CNOT8: variants seen among roughly 807,000 people sequenced by gnomAD.
The protein encoded by CNOT8 is CAF1-like protein.
CNOT8 carries 18 observed loss-of-function variants against 34.6 expected under a neutral mutation model. The ratio of observed to expected loss-of-function variants is 0.52; its 90% CI spans 0.36 to 0.77. The LOEUF (loss-of-function observed/expected upper bound fraction) is 0.77. Among genes scored for constraint, CNOT8 ranks in the 30% least tolerant of loss-of-function variants. The pLI, the probability that CNOT8 is intolerant of heterozygous loss-of-function variation, is 0.00. For missense variants in CNOT8, 189 were observed against 347.9 expected, an observed-to-expected ratio of 0.54 and a Z score of 3.63; for synonymous variants, 101 against 118.8, an observed-to-expected ratio of 0.85 and a Z score of 0.98.
intron 6 of CNOT8, among the ~76,000 whole-genome samples, chr5:154,874,642 C>G (rs1318364737): frequency 2.0e-5 from 3 of 151,686 alleles, no homozygotes; most frequent in Non-Finnish European, 2.9e-5. Flanking sequence ...TCAAACAATT[C>G]TCTGCCTCAG....
At position 154,863,228 on chromosome 5, in the gene CNOT8, C is replaced by T. The variant is rs748586000; in HGVS notation, c.-51C>T. The stretch of plus-strand genomic sequence containing the variant: ...CTAGATCAGACCAAACATTGTCTGG[C>T]TTGCACTGTAAAACTAGTTAGCTGA... On this transcript the variant is annotated 5_prime_UTR_variant, in exon 2 of 7. Coordinates refer to ENST00000285896, the MANE Select transcript of CNOT8 (RefSeq NM_001301073.2). The T allele has an allele frequency of 8.0e-7, 1 of 1,247,952 alleles. No individual in the cohort carries two copies. The highest frequency in any genetic ancestry group is 1.2e-5 in the South Asian group (1 of 83,588). 77.3% of individuals were successfully genotyped at this position (1,247,952 alleles called of 1,614,324 possible).
chr5:154,860,798 T>G (rs1428528443), intron 1 of CNOT8, among the ~76,000 whole-genome samples: 2 of 152,172 alleles, frequency 1.3e-5, no homozygotes, highest in African/African-American at 4.8e-5. Flanking sequence ...GCTTACATAT[T>G]TTTGCCAACT....
intron 6 of CNOT8, 38 bp from the exon 7 acceptor site, chr5:154,875,252 G>A: frequency 1.2e-6 from 2 of 1,608,556 alleles, no homozygotes; most frequent in Non-Finnish European, 1.7e-6. Context: ...ATGACTTCTA[G>A]CATAACTCTC....
chr5:154,862,048 C>T lies in CNOT8; in HGVS notation c.-72-1159C>T, dbSNP rs370473932. Reference sequence around the variant, plus strand: ...TGTACGTTGTTTGCCATAATAATAACAGCATTCGTCAGAGACCCAATCATG... The same window carrying T: ...TGTACGTTGTTTGCCATAATAATAATAGCATTCGTCAGAGACCCAATCATG... On this transcript the variant is annotated intron_variant, in intron 1 of 6. Transcript: ENST00000285896. Among the ~76,000 whole-genome samples the T allele has an allele frequency of 1.6e-4, 24 of 152,244 alleles. 1 individual carries two copies. The highest frequency in any genetic ancestry group is 5.8e-4 in the African/African-American group (24 of 41,530).
intron 2 of CNOT8, among the ~76,000 whole-genome samples, chr5:154,863,638 T>G (rs1382692549): frequency 6.6e-6 from 1 of 152,186 alleles, no homozygotes; most frequent in African/African-American, 2.4e-5. Flanking sequence ...ATGTTTAATT[T>G]GAGATTTTGA....
intron 2 of CNOT8, among the ~76,000 whole-genome samples, chr5:154,864,413 G>T (rs1039532112): frequency 6.6e-6 from 1 of 151,750 alleles, no homozygotes; most frequent in African/African-American, 2.4e-5. Flanking sequence ...AGCCGAGATC[G>T]TGCCACTGCA....
Position 154,875,463 on chromosome 5 carries a change from G to T in CNOT8, c.*24G>T. On this transcript the variant is annotated 3_prime_UTR_variant, in exon 7 of 7. Transcript: ENST00000285896. ...GATGGCGCCAGGCTCTGCAGGGTGG[G>T]CCTGATCCCAGAGTGGTGCTTACTG... is the stretch of plus-strand genomic sequence containing the variant. The T allele has an allele frequency of 6.2e-7, 1 of 1,610,900 alleles. No individual in the cohort carries two copies.
In CNOT8 at chr5:154,868,163, T is replaced by A. The variant is rs1004889172; in HGVS notation, c.312-2498T>A. Among the ~76,000 whole-genome samples, 23 of 151,928 alleles carry A rather than the reference T, an allele frequency of 1.5e-4. No homozygotes were observed. In the East Asian group the frequency reaches 4.4e-3, roughly 29 times the overall value. On this transcript the variant is annotated intron_variant, in intron 3 of 6. Coordinates refer to ENST00000285896, the MANE Select transcript of CNOT8 (RefSeq NM_001301073.2). ...CATGTTGGCCAGGCTGGTCTCGAAC[T>A]CCTGACCTTGTGATCCGCCCGCCTT...
intron 1 of CNOT8, chr5:154,859,229 T>A (rs1761092514): frequency 6.6e-6 from 1 of 152,164 alleles, no homozygotes; most frequent in Admixed American, 6.5e-5. Context: ...CTGAGTGTGA[T>A]TTGAAGTGGA....
In CNOT8 at chr5:154,865,476, G is replaced by A. The variant is rs1761777777; in HGVS notation, c.311+91G>A. ...GGATAGAGCGGTCAAGCAGAGGACG[G>A]AACAGGGAATCTCAGCAAGTGAAGT... On this transcript the variant is annotated intron_variant, in intron 3 of 6. Transcript: ENST00000285896. The A allele has an allele frequency of 1.1e-5, 9 of 787,736 alleles. No homozygotes were observed. In the East Asian group the frequency reaches 2.4e-4, roughly 21 times the overall value. The allele number at this position is 787,736 out of a possible 1,614,324, so 48.8% of individuals were successfully genotyped here. A position where few individuals can be genotyped will look rare whatever the true frequency, so the allele number is the denominator to read the frequency against.
intron 6 of CNOT8, among the ~76,000 whole-genome samples, chr5:154,874,551 T>G (rs1460113240): frequency 6.6e-6 from 1 of 152,080 alleles, no homozygotes; most frequent in Non-Finnish European, 1.5e-5. Flanking sequence ...TCTTTTTCTT[T>G]CGAGACGGAG....
At chr5:154,859,387 A>G (rs900650836) in intron 1 of CNOT8, 10 of 152,066 alleles carry the variant, frequency 6.6e-5, no homozygotes, top group African/African-American at 2.2e-4. Flanking sequence ...TTGGTGTTCT[A>G]TGGCTTTATG....
chr5:154,861,221 ACTT>A (rs1278203772), intron 1 of CNOT8, among the ~76,000 whole-genome samples: 1 of 152,174 alleles, frequency 6.6e-6, no homozygotes, highest in Admixed American at 6.5e-5. Flanking sequence ...TTCATTCTGA[ACTT>A]CTCTCTTTTC....
chr5:154,874,372 T>G (rs1358481952), intron 6 of CNOT8, among the ~76,000 whole-genome samples: 1 of 151,438 alleles, frequency 6.6e-6, no homozygotes, highest in Non-Finnish European at 1.5e-5. Flanking sequence ...AGGTCAGGAG[T>G]TCGAGACCAG....
chr5:154,874,696 G>A (rs1762786463), intron 6 of CNOT8, among the ~76,000 whole-genome samples: 1 of 151,492 alleles, frequency 6.6e-6, no homozygotes, highest in Non-Finnish European at 1.5e-5. Context: ...ACCACGCCTG[G>A]CTAATTTTTT....
chr5:154,863,399 A>T lies in CNOT8; in HGVS notation c.117+4A>T. On this transcript the variant is annotated splice_donor_region_variant and intron_variant, in intron 2 of 6. Coordinates refer to ENST00000285896, the MANE Select transcript of CNOT8 (RefSeq NM_001301073.2). ...CAGTTACAGTTATATTGCCATGGTA[A>T]GGAGCTCTACTCTGACTCACCTTCT... 1 of 1,593,444 alleles carries T rather than the reference A, an allele frequency of 6.3e-7. No homozygotes were observed. Among genetic ancestry groups the T allele is most frequent in the Non-Finnish European group, 8.6e-7 (1 of 1,161,222 alleles).
Position 154,865,225 on chromosome 5 carries a change from A to G in CNOT8, c.151A>G (p.Ile51Val), listed in dbSNP as rs757756259. The change falls in exon 3 of 7, where the codon ATT becomes GTT. Residue 51 changes from isoleucine (I) to valine (V), a missense_variant. Coordinates refer to ENST00000285896, the MANE Select transcript of CNOT8 (RefSeq NM_001301073.2). ...TEFPGVVVRPIGEFRSSIDYQ... is the reference protein window; with the variant it reads ...TEFPGVVVRPVGEFRSSIDYQ... The stretch of plus-strand genomic sequence containing the variant: ...ATTTCCAGGTGTTGTGGTGCGACCA[A>G]TTGGTGAATTTCGTAGTTCCATAGA... 49 of 1,603,968 alleles carry G rather than the reference A, an allele frequency of 3.1e-5. No individual in the cohort carries two copies. Among genetic ancestry groups the G allele is most frequent in the Non-Finnish European group, 3.6e-5 (42 of 1,176,962 alleles).
At chr5:154,874,571 G>T (rs1762773657) in intron 6 of CNOT8, among the ~76,000 whole-genome samples, 1 of 152,044 alleles carries the variant, frequency 6.6e-6, no homozygotes, top group Non-Finnish European at 1.5e-5. Context: ...GTCTTGCATT[G>T]TCACCCAGGC....
intron 3 of CNOT8, among the ~76,000 whole-genome samples, chr5:154,869,620 T>C (rs2113353754): frequency 7.8e-6 from 1 of 128,208 alleles, no homozygotes; most frequent in East Asian, 2.0e-4. Context: ...ATTTTTGTTT[T>C]TTTGTGTTTT....
Sources: allele counts gnomAD v4.1 joint callset (sites outside exome capture counted in the v4.1 genomes callset), GRCh38; gene constraint gnomAD v4.1.1; transcripts MANE v1.5; gene names NCBI Gene and HGNC (gene_info 2026-07-23, HGNC 2026-07-21).